SI: variants seen among roughly 807,000 people sequenced by gnomAD.
SI encodes the protein sucrase-isomaltase, intestinal.
In SI, 235 loss-of-function variants were observed where a neutral mutation model predicts 253.3. The observed-to-expected ratio is 0.93, with a 90% CI of 0.83 to 1.03. The LOEUF (loss-of-function observed/expected upper bound fraction) is 1.03. SI is among the 50% of genes least tolerant of loss of function. The pLI is 0.00. For missense variants in SI, 2,442 were observed against 2,211.1 expected (o/e 1.10, Z -2.09); for synonymous variants, 819 against 712.0 (o/e 1.15, Z -2.39).
the SI span, among the ~76,000 whole-genome samples, chr3:165,089,680 C>T: frequency 6.6e-6 from 1 of 152,094 alleles, no homozygotes; most frequent in Non-Finnish European, 1.5e-5. Flanking sequence ...TAGCTGGGTG[C>T]CTTTCCTCAG....
chr3:165,035,517 C>T (rs1007678369), intron 22 of SI, among the ~76,000 whole-genome samples: 1 of 151,524 alleles, frequency 6.6e-6, no homozygotes, highest in Admixed American at 6.6e-5. Flanking sequence ...TAAATATACA[C>T]ATTTTCAAAA....
At chr3:165,083,403 C>A (rs182344185), upstream of SI, among the ~76,000 whole-genome samples, 360 of 151,940 alleles carry the variant, frequency 2.4e-3, 1 homozygote, top group African/African-American at 8.2e-3. Context: ...ATATGTATTT[C>A]TGTAGGTCAG....
At chr3:165,041,409 A>C (rs1712826633) in intron 17 of SI, among the ~76,000 whole-genome samples, 1 of 152,022 alleles carries the variant, frequency 6.6e-6, no homozygotes, top group Admixed American at 6.6e-5. Context: ...TTGTACCCAC[A>C]GCCTTTATCA....
At position 164,997,043 on chromosome 3, in the gene SI, A is replaced by G. The variant is rs113577819; in HGVS notation, c.4541-271T>C. Among the ~76,000 whole-genome samples, 98 of 151,878 alleles carry G rather than the reference A, an allele frequency of 6.5e-4. 2 individuals carry two copies. Among genetic ancestry groups the G allele is most frequent in the African/African-American group, 2.1e-3 (86 of 41,512 alleles). On this transcript the variant is annotated intron_variant, in intron 38 of 47. Coordinates refer to ENST00000264382, the MANE Select transcript of SI (RefSeq NM_001041.4). ...TATTCAGACAACAAATACATTATAAACACATTATAGTGTGAGAAGAAAGTG... is the reference window on the plus strand; with the variant it reads ...TATTCAGACAACAAATACATTATAAGCACATTATAGTGTGAGAAGAAAGTG...
intron 40 of SI, among the ~76,000 whole-genome samples, chr3:164,995,055 T>C (rs1375304874): frequency 2.0e-5 from 3 of 151,722 alleles, no homozygotes; most frequent in Admixed American, 6.6e-5. Context: ...CAAGAAAAGT[T>C]ATTACTATTT....
the SI span, among the ~76,000 whole-genome samples, chr3:165,087,694 G>C: frequency 2.0e-5 from 3 of 151,952 alleles, no homozygotes; most frequent in African/African-American, 4.8e-5. Flanking sequence ...TTTACCTCAG[G>C]CTCCACTATC....
chr3:165,038,564 A>T (rs1337928741), intron 20 of SI, among the ~76,000 whole-genome samples: 3 of 150,806 alleles, frequency 2.0e-5, no homozygotes, highest in Non-Finnish European at 4.4e-5. Flanking sequence ...ATTCAAAAAA[A>T]AAAAATAAAT....
intron 17 of SI, among the ~76,000 whole-genome samples, chr3:165,042,717 T>C (rs1476511328): frequency 1.3e-5 from 2 of 152,088 alleles, no homozygotes; most frequent in South Asian, 2.1e-4. Context: ...AAAAGTTACC[T>C]GGAAATTACA....
intron 28 of SI, 112 bp from the exon 29 acceptor site, chr3:165,018,178 T>C (rs2108176601): frequency 2.8e-6 from 2 of 703,924 alleles, no homozygotes; most frequent in Non-Finnish European, 5.1e-6. Flanking sequence ...TAAATTCCCG[T>C]TTCCCAACCT....
At chr3:165,033,489 T>C (rs769840594) in intron 22 of SI, 45 bp from the exon 23 acceptor site, 3 of 1,432,052 alleles carry the variant, frequency 2.1e-6, no homozygotes, top group Non-Finnish European at 2.8e-6. Context: ...CAATGTTAAA[T>C]TCTCTGCTCT....
intron 22 of SI, 112 bp downstream of exon 22, chr3:165,036,277 G>T: frequency 1.4e-6 from 1 of 726,584 alleles, no homozygotes; most frequent in South Asian, 1.6e-5. Flanking sequence ...AAAACATTAG[G>T]AATTAAAAAT....
intron 37 of SI, among the ~76,000 whole-genome samples, chr3:165,004,167 A>T (rs1204509804): frequency 6.6e-6 from 1 of 152,180 alleles, no homozygotes; most frequent in Non-Finnish European, 1.5e-5. Flanking sequence ...TCAAAAGAAG[A>T]CATACAAATG....
Position 165,021,211 on chromosome 3 carries a change from A to G in SI, c.3254+18T>C, listed in dbSNP as rs1202821751. 6.2e-7 allele frequency: 1 copy of G among 1,603,820 alleles called. No homozygotes were observed. Among genetic ancestry groups the G allele is most frequent in the Non-Finnish European group, 8.5e-7 (1 of 1,171,656 alleles). On this transcript the variant is annotated intron_variant, in intron 27 of 47. Transcript: ENST00000264382. ...TAAAATTAAAATATCCTTTATATCA[A>G]ATAATTCAATTACTTACATGACTCT...
At chr3:165,054,701 T>G (rs1713605882) in intron 13 of SI, among the ~76,000 whole-genome samples, 1 of 152,168 alleles carries the variant, frequency 6.6e-6, no homozygotes, top group South Asian at 2.1e-4. Flanking sequence ...TTCTGTTTGT[T>G]GCTTTTTTGA....
At chr3:165,084,385 C>T in the SI span, among the ~76,000 whole-genome samples, 1 of 152,030 alleles carries the variant, frequency 6.6e-6, no homozygotes, top group African/African-American at 2.4e-5. Context: ...TGATTTCAAA[C>T]ATAAGTTCTT....
At chr3:165,018,171 A>G in intron 28 of SI, 105 bp from the exon 29 acceptor site, 1 of 732,592 alleles carries the variant, frequency 1.4e-6, no homozygotes, top group Non-Finnish European at 2.4e-6. Flanking sequence ...TGATATTTAA[A>G]TTCCCGTTTC....
At chr3:165,031,218 T>G (rs867183447) in intron 24 of SI, among the ~76,000 whole-genome samples, 17 of 149,864 alleles carry the variant, frequency 1.1e-4, no homozygotes, top group Middle Eastern at 6.9e-3. Flanking sequence ...CACCTAGATT[T>G]TCATCTGCAT....
chr3:165,074,030 T>C (rs901567834), intron 3 of SI, among the ~76,000 whole-genome samples: 1 of 152,038 alleles, frequency 6.6e-6, no homozygotes, highest in Non-Finnish European at 1.5e-5. Flanking sequence ...AAGAGTGAAC[T>C]TGGGTTACAT....
rs751640829 is a variant in SI at position 165,062,498 on chromosome 3, T to C, written c.908-15A>G. On this transcript the variant is annotated splice_polypyrimidine_tract_variant and intron_variant, in intron 8 of 47. Coordinates refer to ENST00000264382, the MANE Select transcript of SI (RefSeq NM_001041.4). Reference sequence around the variant, plus strand: ...GATAAAAATCTCTGCAAAATAAAATTGGTAAACTTATATGTAAATAGTGAA... The same window carrying C: ...GATAAAAATCTCTGCAAAATAAAATCGGTAAACTTATATGTAAATAGTGAA... 25 of 1,310,068 alleles carry C rather than the reference T, an allele frequency of 1.9e-5. No individual in the cohort carries two copies. Among genetic ancestry groups the C allele is most frequent in the Non-Finnish European group, 2.8e-5 (25 of 904,178 alleles). 81.2% of individuals were successfully genotyped at this position (1,310,068 alleles called of 1,614,324 possible).
Sources: gnomAD v4.1 joint callset for allele counts (sites outside exome capture counted in the v4.1 genomes callset) on GRCh38, gnomAD v4.1.1 for gene constraint, MANE v1.5 for transcripts, NCBI Gene and HGNC (gene_info 2026-07-23, HGNC 2026-07-21) for gene names.